Variants in ABCB11 observed in about 807,000 individuals in gnomAD.
ABCB11 encodes bile salt export pump.
In ABCB11, 95 loss-of-function variants were observed where a neutral mutation model predicts 148.0. That is an observed-to-expected ratio of 0.64 (90% confidence interval 0.54 to 0.76). The LOEUF (loss-of-function observed/expected upper bound fraction) is 0.76. Among genes scored for constraint, ABCB11 ranks in the 30% least tolerant of loss-of-function variants. The pLI is 0.00. For missense variants in ABCB11, 1,523 were observed against 1,617.8 expected, an observed-to-expected ratio of 0.94 and a Z score of 1.01; for synonymous variants, 591 against 555.4, an observed-to-expected ratio of 1.06 and a Z score of -0.90.
downstream of ABCB11, among the ~76,000 whole-genome samples, chr2:168,919,780 A>C (rs1259087413): frequency 1.3e-5 from 2 of 152,170 alleles, no homozygotes; most frequent in Non-Finnish European, 2.9e-5. Context: ...TTTTGAAGGC[A>C]AATCTTTATG....
At chr2:168,945,208 G>A (rs560297333) in intron 19 of ABCB11, among the ~76,000 whole-genome samples, 10 of 151,860 alleles carry the variant, frequency 6.6e-5, no homozygotes, top group African/African-American at 9.7e-5. Flanking sequence ...GAGGTTATGC[G>A]TGTAGGGTGG....
rs557214751 is a variant in ABCB11 at position 168,935,221 on chromosome 2, T to C, written c.3019A>G (p.Ile1007Val). Residue 1007 changes from isoleucine (I) to valine (V), a missense_variant, in exon 23 of 28, where the codon ATC becomes GTC. Transcript: ENST00000650372. ...CTGAAATGGAGCCCCTCATTGGAGA[T>C]TAAGTAACCTCCATATCTGTAGGAA... ...SASYRYGGYL[I>V]SNEGLHFSYV... 6.2e-7 allele frequency: 1 copy of C among 1,613,994 alleles called. No individual in the cohort carries two copies. Among genetic ancestry groups the C allele is most frequent in the African/African-American group, 1.3e-5 (1 of 75,054 alleles).
rs1349105598 is a variant in ABCB11 at position 168,984,205 on chromosome 2, GT to G, written c.1083+1904del. Among the ~76,000 whole-genome samples the G allele has an allele frequency of 2.0e-5, 3 of 152,170 alleles. No homozygotes were observed. In the East Asian group the frequency reaches 5.8e-4, roughly 29 times the overall value. ...CCTTCCTGGACCCCCGCCACACCTGGTTATCCTGCTATTCACTGTCAAGGTT... is the reference window on the plus strand; with the variant it reads ...CCTTCCTGGACCCCCGCCACACCTGGTATCCTGCTATTCACTGTCAAGGTT... On this transcript the variant is annotated intron_variant, in intron 10 of 27. Coordinates refer to ENST00000650372, the MANE Select transcript of ABCB11 (RefSeq NM_003742.4).
At chr2:168,986,447 T>A (rs892624416) in intron 9 of ABCB11, among the ~76,000 whole-genome samples, 163 bp from the exon 10 acceptor site, 1 of 152,150 alleles carries the variant, frequency 6.6e-6, no homozygotes, top group East Asian at 1.9e-4. Context: ...TGTAGTTTTT[T>A]AAAGTTTGTT....
rs377043039 is a variant in ABCB11 at position 168,923,813 on chromosome 2, C to T, written c.3775G>A (p.Val1259Ile). The change falls in exon 28 of 28, where the codon GTT (valine) becomes ATT (isoleucine). Residue 1259 changes from valine to isoleucine, a missense_variant. Transcript: ENST00000650372. ...CCCTCTCTGGCTTTGTCTAGAGCAACCTGCACCGTCTGCAAAGAGAAGATG... is the reference window on the plus strand; with the variant it reads ...CCCTCTCTGGCTTTGTCTAGAGCAATCTGCACCGTCTGCAAAGAGAAGATG... ...LDTESEKTVQ[V>I]ALDKAREGRT... 39 of 1,613,760 alleles carry T rather than the reference C, an allele frequency of 2.4e-5. No homozygotes were observed. Among genetic ancestry groups the T allele is most frequent in the Non-Finnish European group, 1.9e-5 (23 of 1,179,864 alleles).
intron 21 of ABCB11, among the ~76,000 whole-genome samples, chr2:168,944,360 C>T (rs1202389988): frequency 6.6e-6 from 1 of 151,980 alleles, no homozygotes; most frequent in African/African-American, 2.4e-5. Flanking sequence ...AAGTTAGACT[C>T]AGAGGAAATC....
At position 168,927,335 on chromosome 2, in the gene ABCB11, CT is replaced by C. The variant is rs1162933116; in HGVS notation, c.3438del (p.Val1147Ter). ...KVMIDGHDSKKVNVQFLRSNI... is the reference protein window; with the variant it reads ...KVMIDGHDSKXVNVQFLRSNI... ...TTTGAGCGGAGGAACTGGACATTTA[CT>C]TTTTTGCTGTCATGACCATCTATCA... On this transcript the variant is annotated frameshift_variant, in exon 26 of 28. Coordinates refer to ENST00000650372, the MANE Select transcript of ABCB11 (RefSeq NM_003742.4). LOFTEE classifies it high-confidence loss of function. 7 of 1,613,688 alleles carry C rather than the reference CT, an allele frequency of 4.3e-6. No individual in the cohort carries two copies. The highest frequency in any genetic ancestry group is 5.9e-6 in the Non-Finnish European group (7 of 1,179,768).
intron 1 of ABCB11, among the ~76,000 whole-genome samples, chr2:169,020,218 T>A (rs1191517380): frequency 6.6e-6 from 1 of 152,168 alleles, no homozygotes; most frequent in African/African-American, 2.4e-5. Flanking sequence ...TAATTATAAT[T>A]AAATACATAT....
At chr2:168,936,665 A>T (rs754854010) in intron 21 of ABCB11, among the ~76,000 whole-genome samples, 8 of 152,180 alleles carry the variant, frequency 5.3e-5, no homozygotes, top group Non-Finnish European at 7.4e-5. Flanking sequence ...CTCTGTATCC[A>T]TTAAACAATA....
rs1238233924 is a variant in ABCB11, at chr2:168,923,695, C to G, written c.3893G>C (p.Gly1298Ala). 2 of 1,613,732 alleles carry G rather than the reference C, an allele frequency of 1.2e-6. No homozygotes were observed. Among genetic ancestry groups the G allele is most frequent in the South Asian group, 1.1e-5 (1 of 91,058 alleles). ...TTGGGCCATCAGTTCTTCATGGGTC[C>G]CCTTTTCAATCACCACCCCCTGTGC... ...VMAQGVVIEK[G>A]THEELMAQKG... The change falls in exon 28 of 28, where the codon GGG (glycine) becomes GCG (alanine). Residue 1298 changes from glycine (G) to alanine (A), a missense_variant. By Grantham distance (60) the Gly-to-Ala change is moderately conservative. Coordinates refer to ENST00000650372, the MANE Select transcript of ABCB11 (RefSeq NM_003742.4).
At chr2:168,971,209 G>T (rs1466782788) in intron 14 of ABCB11, among the ~76,000 whole-genome samples, 3 of 151,992 alleles carry the variant, frequency 2.0e-5, no homozygotes, top group African/African-American at 7.2e-5. Flanking sequence ...GCTCAACAGG[G>T]TTGTTGTGAG....
rs1691074363 is a variant in ABCB11, at chr2:168,921,559, A to G, written c.*2063T>C. ...GGAAATATGTTCTCTTGACCCATTG[A>G]ACACATTTATTACCATTTTTTGAGT... On this transcript the variant is annotated 3_prime_UTR_variant, in exon 28 of 28. Transcript: ENST00000650372. 6.6e-6 allele frequency among the ~76,000 whole-genome samples: 1 copy of G among 152,110 alleles called. No individual in the cohort carries two copies. Among genetic ancestry groups the G allele is most frequent in the African/African-American group, 2.4e-5 (1 of 41,420 alleles).
Position 168,944,866 on chromosome 2 carries a change from T to C in ABCB11, c.2439A>G (p.Gln813=), listed in dbSNP as rs776712250. The C allele has an allele frequency of 6.9e-6, 11 of 1,589,542 alleles. No homozygotes were observed. The Admixed American group carries it at 1.6e-4, about 23-fold the overall frequency. Residue 813 remains glutamine (Q), a synonymous_variant, in exon 20 of 28, where the codon CAA becomes CAG. Transcript: ENST00000650372. ...VAMGCVSLFT[Q]FLQGYAFAKS... ...AAATAACATTTCTTACCTGTAGAAA[T>C]TGGGTGAAAAGAGATACACAGCCCA...
downstream of ABCB11, among the ~76,000 whole-genome samples, chr2:168,919,559 C>T (rs1691017954): frequency 6.6e-6 from 1 of 152,042 alleles, no homozygotes; most frequent in Non-Finnish European, 1.5e-5. Context: ...CCCAGCACCT[C>T]ATTCTTGAGT....
At chr2:168,966,006 T>C (rs1693300794) in intron 17 of ABCB11, among the ~76,000 whole-genome samples, 1 of 151,878 alleles carries the variant, frequency 6.6e-6, no homozygotes, top group Non-Finnish European at 1.5e-5. Context: ...AGACTCATTA[T>C]GACCAGGCAT....
intron 9 of ABCB11, among the ~76,000 whole-genome samples, chr2:168,986,759 G>C (rs916132415): frequency 2.0e-5 from 3 of 152,130 alleles, no homozygotes; most frequent in African/African-American, 4.8e-5. Flanking sequence ...CCCTGTGGCT[G>C]AGACGCTGTG....
intron 5 of ABCB11, among the ~76,000 whole-genome samples, chr2:168,997,099 A>G (rs1222412918): frequency 6.6e-6 from 1 of 151,974 alleles, no homozygotes; most frequent in Non-Finnish European, 1.5e-5. Context: ...CATACTCATC[A>G]TGCAGTGATA....
intron 8 of ABCB11, among the ~76,000 whole-genome samples, chr2:168,991,863 G>C (rs1442352301): frequency 6.8e-6 from 1 of 147,918 alleles, no homozygotes; most frequent in South Asian, 2.1e-4. Flanking sequence ...AAAGAGACGG[G>C]TTCTTGTTCT....
At chr2:168,948,688 T>C (rs1307964137) in intron 19 of ABCB11, among the ~76,000 whole-genome samples, 1 of 151,750 alleles carries the variant, frequency 6.6e-6, no homozygotes, top group African/African-American at 2.4e-5. Flanking sequence ...TCAAGAAATA[T>C]AAATTATTTC....
Sources: gnomAD v4.1 joint callset for allele counts (sites outside exome capture counted in the v4.1 genomes callset) on GRCh38, gnomAD v4.1.1 for gene constraint, MANE v1.5 for transcripts, NCBI Gene and HGNC (gene_info 2026-07-23, HGNC 2026-07-21) for gene names.